The following LRP5 variants were observed in gnomAD, a reference collection of about 807,000 sequenced individuals.
The protein encoded by LRP5 is LDL receptor related protein 5.
LRP5 carries 62 observed loss-of-function variants against 154.1 expected under a neutral mutation model. The observed-to-expected ratio is 0.40, with a 90% confidence interval of 0.33 to 0.50. The LOEUF is 0.50. Among genes scored for constraint, LRP5 ranks in the 20% least tolerant of loss-of-function variants. The pLI is 0.55. For synonymous variants in LRP5, 966 were observed against 1,011.5 expected (o/e 0.96, Z 0.85); for missense variants, 1,915 against 2,336.7 (o/e 0.82, Z 3.72).
intron 5 of LRP5, among the ~76,000 whole-genome samples, chr11:68,376,262 ACCTCTG>A (rs1448329098): frequency 2.1e-5 from 3 of 146,156 alleles, no homozygotes; most frequent in Non-Finnish European, 4.5e-5. Flanking sequence ...GCTAACTGCA[ACCTCTG>A]CCTGCTGAGC....
rs1236127555 is a variant in LRP5 at position 68,363,747 on chromosome 11, G to A, written c.687G>A (p.Arg229=). The change falls in exon 4 of 23, where the codon CGG becomes CGA. Residue 229 remains arginine (R), a splice_region_variant and synonymous_variant. Transcript: ENST00000294304. The stretch of plus-strand genomic sequence containing the variant: ...CTCCACCCCGCTTCCCTGACTGCAG[G>A]CAGAAGGTGGTGGAGGGCAGCCTGA... ...IHRANLDGSF[R]QKVVEGSLTH... 6 of 1,612,112 alleles carry A rather than the reference G, an allele frequency of 3.7e-6. No individual in the cohort carries two copies. The highest frequency in any genetic ancestry group is 4.2e-6 in the Non-Finnish European group (5 of 1,179,652).
rs981128358 is a variant in LRP5 at position 68,401,682 on chromosome 11, C to T, written c.1585-1801C>T. On this transcript the variant is annotated intron_variant, in intron 7 of 22. Coordinates refer to ENST00000294304, the MANE Select transcript of LRP5 (RefSeq NM_002335.4). ...GTCCCAGAGCTTCCAGTCCCCTTCCCGCTCTCCTAACAGCTTTTTTTTTTG... is the reference window on the plus strand; with the variant it reads ...GTCCCAGAGCTTCCAGTCCCCTTCCTGCTCTCCTAACAGCTTTTTTTTTTG... 2.6e-5 allele frequency among the ~76,000 whole-genome samples: 4 copies of T among 152,160 alleles called. No individual in the cohort carries two copies. In the East Asian group the frequency reaches 5.8e-4, roughly 22 times the overall value.
At chr11:68,427,970 AT>A (rs149733819) in intron 16 of LRP5, among the ~76,000 whole-genome samples, 2,563 of 136,724 alleles carry the variant, frequency 0.019, 89 homozygotes, top group African/African-American at 0.063. Flanking sequence ...ATTTTATTTT[AT>A]TTTTTTTATT....
intron 15 of LRP5, among the ~76,000 whole-genome samples, chr11:68,425,660 G>T (rs1220641103): frequency 6.6e-6 from 1 of 152,244 alleles, no homozygotes; most frequent in East Asian, 1.9e-4. Flanking sequence ...AGGGGGCGCA[G>T]GTCCCCATGG....
intron 7 of LRP5, among the ~76,000 whole-genome samples, chr11:68,400,970 T>C (rs1565077709): frequency 6.6e-6 from 1 of 152,232 alleles, no homozygotes; most frequent in Non-Finnish European, 1.5e-5. Context: ...TTCTAAATGC[T>C]GATTCTTTTC....
At chr11:68,326,042 T>TG (rs2098599442) in intron 1 of LRP5, among the ~76,000 whole-genome samples, 1 of 152,220 alleles carries the variant, frequency 6.6e-6, no homozygotes, top group South Asian at 2.1e-4. Context: ...TGTGGCCTGG[T>TG]GGCCTGTGGG....
chr11:68,340,426 C>T (rs1297026548), intron 1 of LRP5, among the ~76,000 whole-genome samples: 1 of 152,112 alleles, frequency 6.6e-6, no homozygotes, highest in African/African-American at 2.4e-5. Flanking sequence ...TGGCCCAGGG[C>T]TGGATGAAGG....
rs2153176275 is a variant in LRP5, at chr11:68,429,664, C to T, written c.3727C>T (p.His1243Tyr). The change falls in exon 17 of 23, where the codon CAC (histidine) becomes TAC (tyrosine). Residue 1243 changes from histidine (H) to tyrosine (Y), a missense_variant. His to Tyr is a moderately conservative substitution (Grantham distance 83). Around this residue, in one of 3 missense-constraint regions of LRP5, gnomAD observed 1,094 missense variants for 1,210.1 expected, o/e 0.90. Transcript: ENST00000294304. ...GACACCACGGTGCTCATGCCCAGTC[C>T]ACCTCGTGCTCCTGCAGAACCTGCT... ...DGTPRCSCPV[H>Y]LVLLQNLLTC... 6.2e-7 allele frequency: 1 copy of T among 1,614,170 alleles called. No individual in the cohort carries two copies. Among genetic ancestry groups the T allele is most frequent in the Non-Finnish European group, 8.5e-7 (1 of 1,180,042 alleles).
At chr11:68,446,563 C>T (rs760783212) in intron 22 of LRP5, 30 bp downstream of exon 22, 10 of 1,569,974 alleles carry the variant, frequency 6.4e-6, no homozygotes, top group Non-Finnish European at 8.8e-6. Flanking sequence ...CCTCCATGGC[C>T]ATTGGGTTCC....
At chr11:68,368,350 G>C (rs2098632233) in intron 5 of LRP5, among the ~76,000 whole-genome samples, 1 of 152,232 alleles carries the variant, frequency 6.6e-6, no homozygotes, top group Non-Finnish European at 1.5e-5. Flanking sequence ...CGGCAGGTCA[G>C]AGGTCTCTCT....
At chr11:68,333,486 C>G (rs1330035078) in intron 1 of LRP5, among the ~76,000 whole-genome samples, 5 of 152,182 alleles carry the variant, frequency 3.3e-5, no homozygotes, top group Non-Finnish European at 5.9e-5. Flanking sequence ...TGGTCCCTGT[C>G]ATTTTAGCCT....
Position 68,438,688 on chromosome 11 carries a change from G to A in LRP5, c.4348+6G>A, listed in dbSNP as rs749534290. 1 of 1,610,204 alleles carries A rather than the reference G, an allele frequency of 6.2e-7. No individual in the cohort carries two copies. Among genetic ancestry groups the A allele is most frequent in the Non-Finnish European group, 8.5e-7 (1 of 1,179,266 alleles). ...CCAGCATGGCCCCTTCACAGGTAAGGAGCCTGAGATATGGAATGATCTGGA... is the reference window on the plus strand; with the variant it reads ...CCAGCATGGCCCCTTCACAGGTAAGAAGCCTGAGATATGGAATGATCTGGA... On this transcript the variant is annotated splice_donor_region_variant and intron_variant, in intron 20 of 22. Coordinates refer to ENST00000294304, the MANE Select transcript of LRP5 (RefSeq NM_002335.4).
chr11:68,373,381 G>A (rs1445361039), intron 5 of LRP5, among the ~76,000 whole-genome samples: 6 of 143,630 alleles, frequency 4.2e-5, no homozygotes, highest in East Asian at 3.9e-4. Flanking sequence ...GTAGGGATGC[G>A]TTGGTGGCGG....
chr11:68,403,117 T>C (rs1022581158), intron 7 of LRP5, among the ~76,000 whole-genome samples: 1 of 152,014 alleles, frequency 6.6e-6, no homozygotes, highest in African/African-American at 2.4e-5. Flanking sequence ...TGGTGGCGGG[T>C]ACCTGTAATC....
chr11:68,393,045 G>A (rs928315362), intron 7 of LRP5, among the ~76,000 whole-genome samples: 3 of 151,584 alleles, frequency 2.0e-5, no homozygotes, highest in Admixed American at 6.6e-5. Flanking sequence ...TGGGAGGATC[G>A]CTTAAGCCCA....
chr11:68,439,730 G>T, intron 20 of LRP5, 47 bp from the exon 21 acceptor site: 1 of 1,593,086 alleles, frequency 6.3e-7, no homozygotes, highest in Non-Finnish European at 8.5e-7. Context: ...GGGGCGGCTT[G>T]GCTGAGCCTG....
intron 8 of LRP5, 90 bp downstream of exon 8, chr11:68,403,789 G>A (rs1474473772): frequency 6.6e-7 from 1 of 1,514,338 alleles, no homozygotes; most frequent in Non-Finnish European, 9.1e-7. Context: ...TAAGTGTTGA[G>A]CTCAGGTGCC....
chr11:68,404,834 G>A (rs1429487706), intron 8 of LRP5, among the ~76,000 whole-genome samples: 2 of 151,928 alleles, frequency 1.3e-5, no homozygotes, highest in African/African-American at 4.8e-5. Flanking sequence ...GCCGGGTGCG[G>A]TGGCAGGCGC....
At chr11:68,372,289 C>G (rs1456474455) in intron 5 of LRP5, among the ~76,000 whole-genome samples, 1 of 136,310 alleles carries the variant, frequency 7.3e-6, no homozygotes, top group African/African-American at 2.9e-5. Flanking sequence ...GTCAGGCAGA[C>G]CCGGGACTGT....
Sources: gnomAD v4.1 joint callset for allele counts (sites outside exome capture counted in the v4.1 genomes callset) on GRCh38, gnomAD v4.1.1 for gene constraint, gnomAD v4.1.1 regional missense constraint, MANE v1.5 for transcripts, NCBI Gene and HGNC (gene_info 2026-07-23, HGNC 2026-07-21) for gene names.